Variants in ABI3BP observed in about 807,000 individuals in gnomAD.
ABI3BP encodes target of Nesh-SH3.
ABI3BP carries 216 observed loss-of-function variants against 268.6 expected under a neutral mutation model. That is an observed-to-expected ratio of 0.80 (90% CI 0.72 to 0.90). The LOEUF is 0.90. Among genes scored for constraint, ABI3BP ranks in the 40% least tolerant of loss-of-function variants. The probability of loss-of-function intolerance (pLI) is 0.00; values close to 1 mark genes in which losing one functional copy is unlikely to be tolerated. For missense variants in ABI3BP, 2,090 were observed against 2,182.4 expected (o/e 0.96, Z 0.84); for synonymous variants, 730 against 730.0 (o/e 1.00, Z 0.00).
At chr3:100,942,441 A>T (rs2069817470) in intron 1 of ABI3BP, among the ~76,000 whole-genome samples, 1 of 152,100 alleles carries the variant, frequency 6.6e-6, no homozygotes, top group Non-Finnish European at 1.5e-5. Context: ...ATTTTGTAAT[A>T]CTTTTTCTGT....
At chr3:100,881,757 G>A (rs2039397030) in intron 6 of ABI3BP, among the ~76,000 whole-genome samples, 1 of 151,544 alleles carries the variant, frequency 6.6e-6, no homozygotes, top group Admixed American at 6.6e-5. Context: ...ATTTTATATA[G>A]AAAGAATCAC....
chr3:100,764,391 G>T (rs928939885), intron 63 of ABI3BP, among the ~76,000 whole-genome samples: 1 of 152,160 alleles, frequency 6.6e-6, no homozygotes, highest in Non-Finnish European at 1.5e-5. Context: ...ATGTTTATTC[G>T]TGTGTGTAGC....
chr3:100,949,430 T>A (rs183951787), intron 1 of ABI3BP, among the ~76,000 whole-genome samples: 1 of 152,072 alleles, frequency 6.6e-6, no homozygotes, highest in African/African-American at 2.4e-5. Flanking sequence ...TCTTTGTTGT[T>A]GTCGTTGTTA....
At chr3:100,764,485 CTG>C (rs2096164423) in intron 63 of ABI3BP, among the ~76,000 whole-genome samples, 2 of 152,220 alleles carry the variant, frequency 1.3e-5, no homozygotes, top group Non-Finnish European at 2.9e-5. Flanking sequence ...ACTGAAATAA[CTG>C]TATTCAACAT....
chr3:100,796,199 T>G (rs1427096909), intron 52 of ABI3BP, among the ~76,000 whole-genome samples: 1 of 152,054 alleles, frequency 6.6e-6, no homozygotes, highest in East Asian at 1.9e-4. Flanking sequence ...CGTGATCTAC[T>G]CAATGAACCT....
chr3:100,877,110 G>T (rs1024666157), intron 6 of ABI3BP, among the ~76,000 whole-genome samples: 9 of 152,122 alleles, frequency 5.9e-5, no homozygotes, highest in Admixed American at 1.3e-4. Flanking sequence ...ACTCCCATTA[G>T]TTCACTTTAC....
At chr3:100,823,600 G>T in intron 36 of ABI3BP, 86 bp from the exon 37 acceptor site, 4 of 983,106 alleles carry the variant, frequency 4.1e-6, no homozygotes, top group Non-Finnish European at 5.9e-6. Context: ...TTACTGGTAT[G>T]TCAATTCTTC....
At chr3:100,903,742 A>G (rs1264646573) in intron 2 of ABI3BP, among the ~76,000 whole-genome samples, 2 of 152,200 alleles carry the variant, frequency 1.3e-5, no homozygotes, top group African/African-American at 2.4e-5. Context: ...ACAACCTGGC[A>G]ACTCAACTTC....
At chr3:100,760,930 T>C (rs139708069) in intron 63 of ABI3BP, among the ~76,000 whole-genome samples, 15 of 152,230 alleles carry the variant, frequency 9.9e-5, no homozygotes, top group East Asian at 1.9e-4. Flanking sequence ...AGGTTTGTTA[T>C]GTAGGTAAAC....
At chr3:100,877,571 A>T (rs1288625405) in intron 6 of ABI3BP, among the ~76,000 whole-genome samples, 1 of 152,184 alleles carries the variant, frequency 6.6e-6, no homozygotes, top group Non-Finnish European at 1.5e-5. Context: ...GGATGGGTGC[A>T]GACTTTAAAG....
intron 67 of ABI3BP, among the ~76,000 whole-genome samples, chr3:100,750,934 A>G (rs2095280116): frequency 6.6e-6 from 1 of 152,188 alleles, no homozygotes; most frequent in South Asian, 2.1e-4. Context: ...GCCCGTGAAC[A>G]AAATGTGTTA....
At position 100,770,871 on chromosome 3, in the gene ABI3BP, TC is replaced by T; in HGVS notation, c.4612del (p.Glu1538ArgfsTer38). 6.2e-7 allele frequency: 1 copy of T among 1,604,382 alleles called. No individual in the cohort carries two copies. The highest frequency in any genetic ancestry group is 8.5e-7 in the Non-Finnish European group (1 of 1,175,364). ...GCTGGTGGCATTCCCCTCTGTGGCC[TC>T]CTCTTTGGGGAACCGTTTGACAGAG... ...TDSVKRFPKE[E>X]ATEGNATSPP... On this transcript the variant is annotated frameshift_variant, in exon 62 of 68. Transcript: ENST00000471714. LOFTEE classifies it high-confidence loss of function.
intron 32 of ABI3BP, 82 bp from the exon 33 acceptor site, chr3:100,829,746 GACTTCCAA>G (rs1267657884): frequency 9.1e-7 from 1 of 1,094,560 alleles, no homozygotes; most frequent in Non-Finnish European, 1.3e-6. Context: ...ATAATTTCTT[GACTTCCAA>G]GAAATGTTTC....
At chr3:100,761,976 TC>T (rs2095985022) in intron 63 of ABI3BP, among the ~76,000 whole-genome samples, 1 of 152,216 alleles carries the variant, frequency 6.6e-6, no homozygotes, top group South Asian at 2.1e-4. Context: ...AACAGGGAAT[TC>T]CAGAACCTCA....
At chr3:100,788,792 T>C (rs931153617) in intron 56 of ABI3BP, among the ~76,000 whole-genome samples, 5 of 151,978 alleles carry the variant, frequency 3.3e-5, no homozygotes, top group African/African-American at 1.2e-4. Flanking sequence ...GCAGGTTTCA[T>C]CATTTGGAAC....
intron 2 of ABI3BP, among the ~76,000 whole-genome samples, chr3:100,916,707 A>G (rs552962049): frequency 1.3e-5 from 2 of 152,324 alleles, no homozygotes; most frequent in Non-Finnish European, 2.9e-5. Context: ...TTGACCATCT[A>G]TGTGCCCAGC....
At position 100,848,886 on chromosome 3, in the gene ABI3BP, A is replaced by G; in HGVS notation, c.1502-11T>C. ...TAGTTTGCTGGGGAGCTGAAAGAAG[A>G]TTTAATATAGCTTTGATAAATGATA... is the stretch of plus-strand genomic sequence containing the variant. On this transcript the variant is annotated splice_polypyrimidine_tract_variant and intron_variant, in intron 17 of 67. Transcript: ENST00000471714. 6.2e-7 allele frequency: 1 copy of G among 1,610,112 alleles called. No homozygotes were observed. The highest frequency in any genetic ancestry group is 8.5e-7 in the Non-Finnish European group (1 of 1,176,868).
chr3:100,776,584 T>A (rs1164382603), intron 59 of ABI3BP, among the ~76,000 whole-genome samples: 1 of 152,116 alleles, frequency 6.6e-6, no homozygotes, highest in African/African-American at 2.4e-5. Context: ...CTCCAGGACA[T>A]TGGACTGGAA....
At chr3:100,904,834 A>G (rs1288799711) in intron 2 of ABI3BP, among the ~76,000 whole-genome samples, 1 of 152,228 alleles carries the variant, frequency 6.6e-6, no homozygotes, top group Non-Finnish European at 1.5e-5. Flanking sequence ...TAGTTCAACC[A>G]TTATGGAAGT....
Sources: gnomAD v4.1 joint callset for allele counts (sites outside exome capture counted in the v4.1 genomes callset) on GRCh38, gnomAD v4.1.1 for gene constraint, MANE v1.5 for transcripts, NCBI Gene and HGNC (gene_info 2026-07-23, HGNC 2026-07-21) for gene names.